Variants in PRELID2 observed in about 807,000 individuals in gnomAD.
The protein encoded by PRELID2 is PRELI domain containing 2, also known as PRELI domain-containing protein 2.
PRELID2 carries 25 observed loss-of-function variants against 28.4 expected under a neutral mutation model. That is an observed-to-expected ratio of 0.88 (90% CI 0.64 to 1.23). The LOEUF is 1.23. PRELID2 is among the 50% of genes most tolerant of loss of function. PRELID2 has a pLI of 0.00. For synonymous variants in PRELID2, 76 were observed against 71.6 expected (o/e 1.06, Z -0.31); for missense variants, 201 against 214.4 (o/e 0.94, Z 0.39).
intron 1 of PRELID2, among the ~76,000 whole-genome samples, chr5:145,568,458 A>G (rs1225717237): frequency 6.6e-6 from 1 of 152,228 alleles, no homozygotes; most frequent in Non-Finnish European, 1.5e-5. Flanking sequence ...AAATCAACCA[A>G]CTAATTAGAT....
chr5:145,749,664 T>C (rs1757078941), intron 1 of PRELID2, among the ~76,000 whole-genome samples: 1 of 152,094 alleles, frequency 6.6e-6, no homozygotes, highest in African/African-American at 2.4e-5. Flanking sequence ...CACAGGCACA[T>C]GTATGTTTAT....
the PRELID2 span, among the ~76,000 whole-genome samples, chr5:145,428,727 G>A: frequency 1.3e-5 from 2 of 152,076 alleles, no homozygotes. Context: ...TAGTTTATTG[G>A]GGGCTATTTA....
chr5:145,553,300 G>A (rs986541370), intron 1 of PRELID2, among the ~76,000 whole-genome samples: 1 of 151,828 alleles, frequency 6.6e-6, no homozygotes, highest in Non-Finnish European at 1.5e-5. Flanking sequence ...ACAAGGAAGT[G>A]ACAATGCAAG....
At chr5:145,526,198 G>A (rs768056613) in intron 1 of PRELID2, among the ~76,000 whole-genome samples, 10 of 152,134 alleles carry the variant, frequency 6.6e-5, no homozygotes, top group Admixed American at 2.0e-4. Flanking sequence ...TATTACAAAC[G>A]TAGAAACCAA....
intron 1 of PRELID2, among the ~76,000 whole-genome samples, chr5:145,596,759 T>G: frequency 6.6e-6 from 1 of 152,288 alleles, no homozygotes; most frequent in African/African-American, 2.4e-5. Flanking sequence ...GAGAAGTCAG[T>G]CTTCAAAATA....
At chr5:145,374,280 T>TTCGTTTTTTTTTTTCC in the PRELID2 span, among the ~76,000 whole-genome samples, 1 of 152,130 alleles carries the variant, frequency 6.6e-6, no homozygotes, top group Non-Finnish European at 1.5e-5. Flanking sequence ...GGGTTGACAA[T>TTCGTTTTTTTTTTTCC]TCTTTTTTAA....
At chr5:145,672,679 A>G (rs1470320483) in intron 1 of PRELID2, among the ~76,000 whole-genome samples, 1 of 152,150 alleles carries the variant, frequency 6.6e-6, no homozygotes, top group African/African-American at 2.4e-5. Context: ...GAAACAAGTA[A>G]CAACTTCATT....
the PRELID2 span, chr5:145,381,739 T>C: frequency 8.5e-5 from 13 of 152,278 alleles, no homozygotes; most frequent in Non-Finnish European, 1.6e-4. Flanking sequence ...AACAAGACAT[T>C]CTTATAAAAG....
chr5:145,408,071 CAGAA>C, the PRELID2 span, among the ~76,000 whole-genome samples: 2 of 151,996 alleles, frequency 1.3e-5, no homozygotes, highest in African/African-American at 4.8e-5. Flanking sequence ...GTCTGGCTCT[CAGAA>C]AGCCCCATCT....
At chr5:145,300,289 T>C in the PRELID2 span, among the ~76,000 whole-genome samples, 1 of 152,084 alleles carries the variant, frequency 6.6e-6, no homozygotes, top group African/African-American at 2.4e-5. Flanking sequence ...TACCTGAAAA[T>C]AGTCATTTCC....
At chr5:145,402,132 C>G in the PRELID2 span, among the ~76,000 whole-genome samples, 1 of 152,134 alleles carries the variant, frequency 6.6e-6, no homozygotes, top group Non-Finnish European at 1.5e-5. Flanking sequence ...TTTATTTTAA[C>G]ACATGGATGG....
chr5:145,638,261 C>T (rs768663858), intron 1 of PRELID2, among the ~76,000 whole-genome samples: 1 of 152,142 alleles, frequency 6.6e-6, no homozygotes, highest in Non-Finnish European at 1.5e-5. Flanking sequence ...CTGTTCCATG[C>T]TGTGTTCCCC....
At chr5:145,639,645 A>G (rs1388099541) in intron 1 of PRELID2, among the ~76,000 whole-genome samples, 2 of 152,128 alleles carry the variant, frequency 1.3e-5, no homozygotes, top group African/African-American at 4.8e-5. Context: ...CCTTTTTCCT[A>G]TTCAATGCGA....
the PRELID2 span, among the ~76,000 whole-genome samples, chr5:145,299,644 CGTGTGTGT>C: frequency 3.7e-4 from 41 of 109,412 alleles, no homozygotes; most frequent in African/African-American, 8.0e-4. Flanking sequence ...TATGTGTGTG[CGTGTGTGT>C]GTGTGTGTGT....
chr5:145,385,363 TAAA>T, the PRELID2 span, among the ~76,000 whole-genome samples: 2 of 152,166 alleles, frequency 1.3e-5, no homozygotes, highest in African/African-American at 4.8e-5. Context: ...TATTTGTCTA[TAAA>T]ATTTTTTGTC....
At chr5:145,278,035 C>T in the PRELID2 span, among the ~76,000 whole-genome samples, 5 of 152,146 alleles carry the variant, frequency 3.3e-5, no homozygotes, top group Admixed American at 6.6e-5. Context: ...TTCTTTGAGA[C>T]GCTCCAGAAC....
intron 1 of PRELID2, among the ~76,000 whole-genome samples, chr5:145,708,380 C>T (rs115187593): frequency 0.017 from 2,546 of 151,664 alleles, 34 homozygotes; most frequent in Non-Finnish European, 0.028. Context: ...TCTCTGGGAA[C>T]CAGTTTGATC....
chr5:145,422,281 G>T, the PRELID2 span, among the ~76,000 whole-genome samples: 3 of 151,144 alleles, frequency 2.0e-5, no homozygotes, highest in South Asian at 6.3e-4. Context: ...CAATTCCTGG[G>T]TATCCTTCTT....
the PRELID2 span, among the ~76,000 whole-genome samples, chr5:145,342,730 T>A: frequency 6.6e-6 from 1 of 151,816 alleles, no homozygotes; most frequent in South Asian, 2.1e-4. Context: ...TTTTCTTGTT[T>A]TCTATGTCCT....
Sources: allele counts gnomAD v4.1 joint callset (sites outside exome capture counted in the v4.1 genomes callset), GRCh38; gene constraint gnomAD v4.1.1; transcripts MANE v1.5; gene names NCBI Gene and HGNC (gene_info 2026-07-23, HGNC 2026-07-21).